Variants in CREB5 observed in about 807,000 individuals in gnomAD.
The protein encoded by CREB5 is cyclic AMP-responsive element-binding protein 5.
A neutral mutation model predicts 57.1 loss-of-function variants in CREB5; 19 were observed. The ratio of observed to expected loss-of-function variants is 0.33; its 90% CI spans 0.23 to 0.49. The LOEUF is 0.49. CREB5 is among the 20% of genes least tolerant of loss of function. The probability of loss-of-function intolerance (pLI) is 0.99; values close to 1 mark genes in which losing one functional copy is unlikely to be tolerated. For synonymous variants in CREB5, 238 were observed against 238.3 expected (o/e 1.00, Z 0.01); for missense variants, 579 against 671.6 (o/e 0.86, Z 1.52).
At chr7:28,435,659 C>T (rs1247793644) in intron 1 of CREB5, 3 of 985,004 alleles carry the variant, frequency 3.0e-6, no homozygotes, top group Admixed American at 1.2e-4. Flanking sequence ...TCTCATTTAC[C>T]TGAATGAGGA....
intron 7 of CREB5, among the ~76,000 whole-genome samples, chr7:28,743,254 C>T (rs937530056): frequency 9.9e-5 from 15 of 152,130 alleles, no homozygotes; most frequent in Admixed American, 3.9e-4. Context: ...TGTCTCTATC[C>T]GACTGCAGTG....
chr7:28,720,774 G>A (rs1254774178), intron 6 of CREB5, among the ~76,000 whole-genome samples: 1 of 152,144 alleles, frequency 6.6e-6, no homozygotes, highest in South Asian at 2.1e-4. Flanking sequence ...ACTACGTGAA[G>A]ACTTCCACCA....
chr7:28,378,975 C>T (rs946678137), intron 1 of CREB5, among the ~76,000 whole-genome samples: 10 of 152,168 alleles, frequency 6.6e-5, no homozygotes, highest in African/African-American at 2.2e-4. Context: ...ATTTGAGGAA[C>T]CTGTGCTGGC....
chr7:28,614,122 G>A (rs989191858), intron 5 of CREB5, among the ~76,000 whole-genome samples: 10 of 152,064 alleles, frequency 6.6e-5, no homozygotes, highest in African/African-American at 2.4e-4. Context: ...CCCACACCCA[G>A]CTAATTTTTT....
intron 4 of CREB5, among the ~76,000 whole-genome samples, chr7:28,526,534 G>A (rs1164954334): frequency 6.6e-6 from 1 of 152,170 alleles, no homozygotes; most frequent in Non-Finnish European, 1.5e-5. Context: ...CTGGAAAGAC[G>A]TGCTTCTTGC....
intron 1 of CREB5, among the ~76,000 whole-genome samples, chr7:28,321,637 T>C (rs1334702578): frequency 6.6e-6 from 1 of 152,138 alleles, no homozygotes; most frequent in African/African-American, 2.4e-5. Flanking sequence ...CAGAGATCAC[T>C]GGGCTAGGGG....
At chr7:28,519,846 C>T (rs577774819) in intron 4 of CREB5, among the ~76,000 whole-genome samples, 7 of 152,288 alleles carry the variant, frequency 4.6e-5, no homozygotes, top group African/African-American at 1.7e-4. Context: ...AATTTGATTG[C>T]TTTTTGGCAA....
At chr7:28,523,490 T>A (rs1395815542) in intron 4 of CREB5, among the ~76,000 whole-genome samples, 1 of 152,230 alleles carries the variant, frequency 6.6e-6, no homozygotes, top group Non-Finnish European at 1.5e-5. Flanking sequence ...TTGGCTTTTT[T>A]GATGGGTCCT....
intron 1 of CREB5, among the ~76,000 whole-genome samples, chr7:28,330,123 A>C (rs1472907341): frequency 1.3e-5 from 2 of 152,214 alleles, no homozygotes; most frequent in Non-Finnish European, 2.9e-5. Flanking sequence ...GGACATCTGC[A>C]AATCATTGTG....
intron 4 of CREB5, among the ~76,000 whole-genome samples, chr7:28,558,041 T>A (rs1408494252): frequency 6.6e-6 from 1 of 152,216 alleles, no homozygotes; most frequent in Non-Finnish European, 1.5e-5. Context: ...CTTTGGGCAC[T>A]GTCATGCCCA....
chr7:28,532,582 C>G (rs949635957), intron 4 of CREB5, among the ~76,000 whole-genome samples: 1 of 152,034 alleles, frequency 6.6e-6, no homozygotes, highest in Admixed American at 6.5e-5. Flanking sequence ...TCTCGTGGAT[C>G]GGAAGGTTTT....
chr7:28,822,344 C>T lies in CREB5; in HGVS notation c.*3065C>T, dbSNP rs1354905018. 2.6e-5 allele frequency: 4 copies of T among 152,562 alleles called. No homozygotes were observed. The highest frequency in any genetic ancestry group is 2.0e-4 in the Admixed American group (3 of 15,282). 9.5% of individuals were successfully genotyped at this position (152,562 alleles called of 1,614,324 possible). A position where few individuals can be genotyped will look rare whatever the true frequency, so the allele number is the denominator to read the frequency against. On this transcript the variant is annotated 3_prime_UTR_variant, in exon 11 of 11. Coordinates refer to ENST00000357727, the MANE Select transcript of CREB5 (RefSeq NM_182898.4). ...TAAGTCTTTTACCTAAAGGCCCAGC[C>T]GTCACCAGACAACAGAATAATCAAT...
intron 5 of CREB5, among the ~76,000 whole-genome samples, chr7:28,621,099 G>T (rs535966835): frequency 3.3e-5 from 5 of 151,834 alleles, no homozygotes; most frequent in African/African-American, 1.2e-4. Flanking sequence ...CCTTGGAATT[G>T]TGCAGTGAGA....
chr7:28,538,891 A>C (rs1794091092), intron 4 of CREB5, among the ~76,000 whole-genome samples: 1 of 152,236 alleles, frequency 6.6e-6, no homozygotes, highest in Non-Finnish European at 1.5e-5. Flanking sequence ...CCAAACATTT[A>C]GGTATTTTCT....
intron 1 of CREB5, among the ~76,000 whole-genome samples, chr7:28,323,359 A>G (rs1487183482): frequency 6.6e-6 from 1 of 152,178 alleles, no homozygotes; most frequent in African/African-American, 2.4e-5. Flanking sequence ...TACTCTTTTT[A>G]TCCCTTCTCC....
chr7:28,415,234 C>A (rs554597279), intron 1 of CREB5, among the ~76,000 whole-genome samples: 1 of 152,126 alleles, frequency 6.6e-6, no homozygotes, highest in South Asian at 2.1e-4. Context: ...AGGCTTATGG[C>A]TTTACACGGA....
chr7:28,587,083 C>T (rs1046778970), intron 5 of CREB5, among the ~76,000 whole-genome samples: 2 of 152,216 alleles, frequency 1.3e-5, no homozygotes, highest in African/African-American at 4.8e-5. Flanking sequence ...TGGATTGTTA[C>T]ATTTATGGGA....
At chr7:28,494,794 GC>G in intron 2 of CREB5, 111 bp from the exon 3 acceptor site, 1 of 494,764 alleles carries the variant, frequency 2.0e-6, no homozygotes, top group Non-Finnish European at 3.3e-6. Flanking sequence ...TTTTTGTTTT[GC>G]CTGTCATGTT....
At chr7:28,548,753 T>C (rs999182679) in intron 4 of CREB5, among the ~76,000 whole-genome samples, 8 of 152,212 alleles carry the variant, frequency 5.3e-5, no homozygotes, top group Non-Finnish European at 7.3e-5. Flanking sequence ...TTATGTTTTT[T>C]TCTAATTACG....
Sources: allele counts gnomAD v4.1 joint callset (sites outside exome capture counted in the v4.1 genomes callset), GRCh38; gene constraint gnomAD v4.1.1; transcripts MANE v1.5; gene names NCBI Gene and HGNC (gene_info 2026-07-23, HGNC 2026-07-21).